L3MBTL4: variants seen among roughly 807,000 people sequenced by gnomAD.
L3MBTL4 encodes L3MBTL histone methyl-lysine binding protein 4.
L3MBTL4 carries 70 observed loss-of-function variants against 84.5 expected under a neutral mutation model. That is an observed-to-expected ratio of 0.83 (90% CI 0.68 to 1.01). The LOEUF (loss-of-function observed/expected upper bound fraction) is 1.01. L3MBTL4 is among the 50% of genes least tolerant of loss of function. L3MBTL4 has a pLI of 0.00. For missense variants in L3MBTL4, 715 were observed against 754.8 expected (o/e 0.95, Z 0.62); for synonymous variants, 274 against 259.8 (o/e 1.05, Z -0.52).
Position 6,329,660 on chromosome 18 carries a change from C to T in L3MBTL4, c.-90-17604G>A, listed in dbSNP as rs569230304. 2.6e-5 allele frequency among the ~76,000 whole-genome samples: 4 copies of T among 152,160 alleles called. No homozygotes were observed. The East Asian group carries it at 7.7e-4, about 29-fold the overall frequency. On this transcript the variant is annotated intron_variant, in intron 1 of 18. Coordinates refer to ENST00000317931, the MANE Select transcript of L3MBTL4 (RefSeq NM_001330559.2). ...TGCGGTGGGAACTGTCTACAGTGTCCCAAGGTGCACAGGTATGACATGGTG... is the reference window on the plus strand; with the variant it reads ...TGCGGTGGGAACTGTCTACAGTGTCTCAAGGTGCACAGGTATGACATGGTG...
At chr18:6,191,555 G>A (rs2045090684) in intron 12 of L3MBTL4, among the ~76,000 whole-genome samples, 1 of 152,172 alleles carries the variant, frequency 6.6e-6, no homozygotes, top group African/African-American at 2.4e-5. Flanking sequence ...AAGTCGAGTA[G>A]GTAGACTGAT....
In L3MBTL4 at chr18:6,239,822, C is replaced by T. The variant is rs147344740; in HGVS notation, c.603G>A (p.Val201=). Residue 201 remains valine, a synonymous_variant, in exon 9 of 19, where the codon GTG becomes GTA. Transcript: ENST00000317931. ...ACACCAAGGAAGGGTTCTTCCTGTCCACGGCCTCCAGCTTCATTCCAACCT... is the reference window on the plus strand; with the variant it reads ...ACACCAAGGAAGGGTTCTTCCTGTCTACGGCCTCCAGCTTCATTCCAACCT... ...EFQVGMKLEA[V]DRKNPSLVCV... The T allele has an allele frequency of 2.6e-3, 4,185 of 1,614,130 alleles. 2 individuals carry two copies. The highest frequency in any genetic ancestry group is 3.2e-3 in the Non-Finnish European group (3,772 of 1,179,996).
At chr18:6,034,119 G>A (rs1187645557) in intron 16 of L3MBTL4, among the ~76,000 whole-genome samples, 1 of 151,892 alleles carries the variant, frequency 6.6e-6, no homozygotes, top group Non-Finnish European at 1.5e-5. Flanking sequence ...TTGTTTATAA[G>A]GGAATGTCTT....
At chr18:6,291,772 CCAGAA>C (rs2049876683) in intron 4 of L3MBTL4, among the ~76,000 whole-genome samples, 1 of 152,096 alleles carries the variant, frequency 6.6e-6, no homozygotes, top group Admixed American at 6.5e-5. Flanking sequence ...AAGAAATGCT[CCAGAA>C]CATTAGTCTG....
chr18:5,985,147 C>A (rs1452140651), intron 16 of L3MBTL4, among the ~76,000 whole-genome samples: 1 of 151,998 alleles, frequency 6.6e-6, no homozygotes, highest in African/African-American at 2.4e-5. Context: ...AGAGTGCTAG[C>A]AAACTAGTGA....
intron 16 of L3MBTL4, among the ~76,000 whole-genome samples, chr18:6,044,611 T>C (rs2056538343): frequency 6.6e-6 from 1 of 151,946 alleles, no homozygotes; most frequent in African/African-American, 2.4e-5. Context: ...TGCACTGCAG[T>C]TTCTCCATGG....
intron 14 of L3MBTL4, among the ~76,000 whole-genome samples, chr18:6,108,900 G>A (rs1010549277): frequency 3.9e-5 from 6 of 152,138 alleles, no homozygotes; most frequent in Admixed American, 1.3e-4. Flanking sequence ...GATTTAAAGT[G>A]TACAGAAGAA....
At chr18:6,405,331 G>C (rs1365420949) in intron 1 of L3MBTL4, among the ~76,000 whole-genome samples, 1 of 152,170 alleles carries the variant, frequency 6.6e-6, no homozygotes, top group Non-Finnish European at 1.5e-5. Flanking sequence ...ATGGTCTCTG[G>C]AGGGAGCGCA....
intron 14 of L3MBTL4, among the ~76,000 whole-genome samples, chr18:6,124,443 T>G (rs1316754466): frequency 6.8e-6 from 1 of 148,044 alleles, no homozygotes; most frequent in Admixed American, 6.8e-5. Flanking sequence ...ATTATATATA[T>G]GTATATATAA....
chr18:6,192,777 G>A (rs1048479665), intron 12 of L3MBTL4, among the ~76,000 whole-genome samples: 8 of 152,116 alleles, frequency 5.3e-5, no homozygotes, highest in African/African-American at 1.4e-4. Context: ...GCCTCACTCC[G>A]GGAGGCAGGT....
chr18:6,139,564 G>A (rs1035701751), intron 13 of L3MBTL4, among the ~76,000 whole-genome samples: 2 of 151,790 alleles, frequency 1.3e-5, no homozygotes, highest in Non-Finnish European at 2.9e-5. Context: ...TTCCTGGAAC[G>A]TCCCATCCCA....
chr18:6,399,963 GA>G (rs2055442900), intron 1 of L3MBTL4: 1 of 151,970 alleles, frequency 6.6e-6, no homozygotes, highest in Non-Finnish European at 1.5e-5. Context: ...CTGACCTTGG[GA>G]AATCACTGTG....
intron 13 of L3MBTL4, among the ~76,000 whole-genome samples, chr18:6,151,046 G>C (rs1276614528): frequency 6.6e-6 from 1 of 152,138 alleles, no homozygotes; most frequent in Non-Finnish European, 1.5e-5. Context: ...AGGACCAGGA[G>C]AGCCTGGGAG....
chr18:6,171,408 T>TA (rs1322877638), intron 13 of L3MBTL4, among the ~76,000 whole-genome samples: 1 of 152,224 alleles, frequency 6.6e-6, no homozygotes, highest in African/African-American at 2.4e-5. Context: ...TTTTTATAAG[T>TA]AAAATCTGAA....
chr18:6,331,306 A>G (rs190110528), intron 1 of L3MBTL4, among the ~76,000 whole-genome samples: 29 of 152,180 alleles, frequency 1.9e-4, no homozygotes, highest in Admixed American at 2.6e-4. Context: ...ACCCCATTAA[A>G]ACACTGTTGG....
chr18:5,958,260 T>G (rs373182579), intron 18 of L3MBTL4, among the ~76,000 whole-genome samples: 165 of 152,332 alleles, frequency 1.1e-3, no homozygotes, highest in Middle Eastern at 6.8e-3. Flanking sequence ...GGTAGCGTTT[T>G]GAAGTTATAA....
At chr18:6,099,555 T>G (rs1187003810) in intron 14 of L3MBTL4, among the ~76,000 whole-genome samples, 1 of 125,416 alleles carries the variant, frequency 8.0e-6, no homozygotes, top group African/African-American at 2.9e-5. Context: ...ACCTAAATTT[T>G]TATATATCTA....
chr18:6,007,277 G>A (rs908378171), intron 16 of L3MBTL4, among the ~76,000 whole-genome samples: 6 of 151,214 alleles, frequency 4.0e-5, no homozygotes, highest in East Asian at 1.9e-4. Flanking sequence ...AAAAACTAAC[G>A]TGGCAACAGA....
intron 1 of L3MBTL4, among the ~76,000 whole-genome samples, chr18:6,318,460 A>G (rs1208099590): frequency 7.4e-6 from 1 of 134,392 alleles, no homozygotes; most frequent in African/African-American, 2.8e-5. Flanking sequence ...TACTATCCTT[A>G]TATCAGATAA....
Sources: gnomAD v4.1 joint callset for allele counts (sites outside exome capture counted in the v4.1 genomes callset) on GRCh38, gnomAD v4.1.1 for gene constraint, MANE v1.5 for transcripts, NCBI Gene and HGNC (gene_info 2026-07-23, HGNC 2026-07-21) for gene names.